Variants in MS4A14 observed in about 807,000 individuals in gnomAD.
MS4A14 encodes the protein membrane spanning 4-domains A14.
Under a neutral mutation model 16.7 loss-of-function variants are expected in MS4A14, and 18 were observed. The ratio of observed to expected loss-of-function variants is 1.08; its 90% CI spans 0.75 to 1.60. MS4A14 has a LOEUF of 1.60. Among genes scored for constraint, MS4A14 ranks in the 40% most tolerant of loss-of-function variants. The probability of loss-of-function intolerance (pLI) is 0.00; values close to 1 mark genes in which losing one functional copy is unlikely to be tolerated. For missense variants in MS4A14, 812 were observed against 775.3 expected (o/e 1.05, Z -0.56); for synonymous variants, 305 against 289.4 (o/e 1.05, Z -0.55).
At chr11:60,401,382 C>T (rs1417875334) in intron 3 of MS4A14, among the ~76,000 whole-genome samples, 1 of 152,162 alleles carries the variant, frequency 6.6e-6, no homozygotes, top group Admixed American at 6.5e-5. Context: ...GCAGACAATG[C>T]AGATGAAGCC....
Position 60,416,113 on chromosome 11 carries a change from C to T in MS4A14, c.1145C>T (p.Ser382Phe). The T allele has an allele frequency of 1.9e-6, 3 of 1,609,392 alleles. No individual in the cohort carries two copies. Among genetic ancestry groups the T allele is most frequent in the Non-Finnish European group, 1.7e-6 (2 of 1,177,730 alleles). The change falls in exon 5 of 5, where the codon TCC (serine) becomes TTC (phenylalanine). Residue 382 changes from serine to phenylalanine, a missense_variant. By Grantham distance (155) the Ser-to-Phe change is radical. Coordinates refer to ENST00000300187, the MANE Select transcript of MS4A14 (RefSeq NM_032597.5). ...FHDMTSQDMQ[S>F]LDMLSQDTPS... ...GACATGACATCCCAAGATATGCAAT[C>T]CCTAGATATGCTATCTCAAGACACA...
chr11:60,417,529 T>A lies in MS4A14; in HGVS notation c.*521T>A, dbSNP rs1444148268. The A allele has an allele frequency of 1.3e-5, 2 of 152,296 alleles. No individual in the cohort carries two copies. The highest frequency in any genetic ancestry group is 3.9e-4 in the East Asian group (2 of 5,188). 9.4% of individuals were successfully genotyped at this position (152,296 alleles called of 1,614,324 possible). ...ATGCAGAATCTACCCAATACCACACTGCCCCCATTAATGGAATTAAATTGG... is the reference window on the plus strand; with the variant it reads ...ATGCAGAATCTACCCAATACCACACAGCCCCCATTAATGGAATTAAATTGG... On this transcript the variant is annotated 3_prime_UTR_variant, in exon 5 of 5. Transcript: ENST00000300187.
intron 4 of MS4A14, among the ~76,000 whole-genome samples, chr11:60,410,007 C>T (rs538320884): frequency 6.6e-6 from 1 of 152,282 alleles, no homozygotes; most frequent in African/African-American, 2.4e-5. Context: ...TGCCACCACA[C>T]CCACATAAAT....
At chr11:60,410,835 T>TGG (rs2085858068) in intron 4 of MS4A14, among the ~76,000 whole-genome samples, 1 of 151,996 alleles carries the variant, frequency 6.6e-6, no homozygotes, top group Non-Finnish European at 1.5e-5. Flanking sequence ...TTTTGGGTTT[T>TGG]TTTTTTTGTT....
chr11:60,404,554 CCTT>C, intron 4 of MS4A14: 1 of 457,006 alleles, frequency 2.2e-6, no homozygotes, highest in South Asian at 1.5e-5. Context: ...AGGACTTCAT[CCTT>C]CTCACTCCTC....
chr11:60,415,584 G>C lies in MS4A14; in HGVS notation c.616G>C (p.Ala206Pro), dbSNP rs757173660. The change falls in exon 5 of 5, where the codon GCT becomes CCT. Residue 206 changes from alanine to proline, a missense_variant. Coordinates refer to ENST00000300187, the MANE Select transcript of MS4A14 (RefSeq NM_032597.5). ...ACAATCTGTTATCTTTGGAGGCTAT[G>C]CTTTCTTCAAGTTAACACTCTCTAG... is the stretch of plus-strand genomic sequence containing the variant. The part of the protein sequence containing the change: ...NAQSVIFGGY[A>P]FFKLTLSRSP... 4.3e-6 allele frequency: 7 copies of C among 1,613,788 alleles called. No homozygotes were observed. The highest frequency in any genetic ancestry group is 5.9e-6 in the Non-Finnish European group (7 of 1,179,796).
intron 2 of MS4A14, among the ~76,000 whole-genome samples, chr11:60,399,193 A>G (rs1319905022): frequency 6.6e-6 from 1 of 152,124 alleles, no homozygotes; most frequent in Non-Finnish European, 1.5e-5. Context: ...AACCCCAAAT[A>G]TTTGTTCCTA....
chr11:60,416,924 A>C lies in MS4A14; in HGVS notation c.1956A>C (p.Gln652His). Residue 652 changes from glutamine to histidine, a missense_variant, in exon 5 of 5, where the codon CAA (glutamine) becomes CAC (histidine). Coordinates refer to ENST00000300187, the MANE Select transcript of MS4A14 (RefSeq NM_032597.5). The part of the protein sequence containing the change: ...QDSESQIQQY[Q>H]FWQFHKGNLQ... The stretch of plus-strand genomic sequence containing the variant: ...CAGAATCCCAAATACAGCAATACCA[A>C]TTCTGGCAATTCCACAAAGGCAATC... 6.2e-7 allele frequency: 1 copy of C among 1,613,700 alleles called. No homozygotes were observed. Among genetic ancestry groups the C allele is most frequent in the Middle Eastern group, 1.7e-4 (1 of 6,058 alleles).
chr11:60,397,917 C>A lies in MS4A14; in HGVS notation c.204C>A (p.Ile68=). Residue 68 remains isoleucine, a synonymous_variant, in exon 2 of 5, where the codon ATC becomes ATA. Transcript: ENST00000300187. The stretch of plus-strand genomic sequence containing the variant: ...GAACTATATTTGCACTTAATTACAT[C>A]GGTTTCTCCCAAAGACTTCCCCTTG... ...GFGTIFALNY[I]GFSQRLPLVV... 1 of 1,613,394 alleles carries A rather than the reference C, an allele frequency of 6.2e-7. No homozygotes were observed. The highest frequency in any genetic ancestry group is 1.1e-5 in the South Asian group (1 of 91,058).
rs769654592 is a variant in MS4A14 at position 60,416,877 on chromosome 11, C to T, written c.1909C>T (p.Pro637Ser). ...ACAGCAAGCTCAGGTGGAGAAAGTGCCAAAACTGTTATGCCAAGATTCAGA... is the reference window on the plus strand; with the variant it reads ...ACAGCAAGCTCAGGTGGAGAAAGTGTCAAAACTGTTATGCCAAGATTCAGA... Reference protein sequence around the residue: ...EGQQAQVEKVPKLLCQDSESQ... With the variant: ...EGQQAQVEKVSKLLCQDSESQ... Residue 637 changes from proline (P) to serine (S), a missense_variant, in exon 5 of 5, where the codon CCA becomes TCA. Pro to Ser is a moderately conservative substitution (Grantham distance 74). Coordinates refer to ENST00000300187, the MANE Select transcript of MS4A14 (RefSeq NM_032597.5). 6.2e-7 allele frequency: 1 copy of T among 1,613,644 alleles called. No individual in the cohort carries two copies. Among genetic ancestry groups the T allele is most frequent in the Non-Finnish European group, 8.5e-7 (1 of 1,179,744 alleles).
At chr11:60,399,282 G>A (rs2085675617) in intron 2 of MS4A14, among the ~76,000 whole-genome samples, 1 of 152,230 alleles carries the variant, frequency 6.6e-6, no homozygotes. Context: ...GACCATGGAG[G>A]TCAGGCAAGT....
chr11:60,413,961 C>T (rs1218002839), intron 4 of MS4A14, among the ~76,000 whole-genome samples: 1 of 152,066 alleles, frequency 6.6e-6, no homozygotes, highest in African/African-American at 2.4e-5. Context: ...AAGTAAACAG[C>T]TCTACGATAC....
rs2085843398 is a variant in MS4A14 at position 60,409,868 on chromosome 11, ACAGTGGCACAAGATCATATGTCACTTAG to A, written c.469-5568_469-5541del. ...ATACAAAGACTATGTCACTTAGGCT[ACAGTGGCACAAGATCATATGTCACTTAG>A]GCTACAGTGGCACAAGATCATAGCT... is the stretch of plus-strand genomic sequence containing the variant. On this transcript the variant is annotated intron_variant, in intron 4 of 4. Transcript: ENST00000300187. 7.8e-4 allele frequency among the ~76,000 whole-genome samples: 3 copies of A among 3,856 alleles called. No homozygotes were observed. The South Asian group carries it at 0.016, about 21-fold the overall frequency. 2.5% of individuals were successfully genotyped at this position (3,856 alleles called of 152,430 possible).
chr11:60,406,669 GCT>G (rs1004179076), intron 4 of MS4A14, among the ~76,000 whole-genome samples: 4 of 152,034 alleles, frequency 2.6e-5, no homozygotes, highest in African/African-American at 4.8e-5. Flanking sequence ...TCTCTCTCTA[GCT>G]CTCTCTTTTT....
At chr11:60,401,733 G>A (rs1303604545) in intron 3 of MS4A14, among the ~76,000 whole-genome samples, 1 of 152,196 alleles carries the variant, frequency 6.6e-6, no homozygotes, top group Non-Finnish European at 1.5e-5. Flanking sequence ...ATGAGGGATT[G>A]ATTATCTAGA....
chr11:60,415,411 A>C, intron 4 of MS4A14, 26 bp from the exon 5 acceptor site: 3 of 1,556,726 alleles, frequency 1.9e-6, no homozygotes, highest in South Asian at 1.3e-5. Context: ...CTGTCATATT[A>C]ATTACCCTCA....
At chr11:60,407,027 T>G (rs2085797341) in intron 4 of MS4A14, among the ~76,000 whole-genome samples, 1 of 142,006 alleles carries the variant, frequency 7.0e-6, no homozygotes, top group Non-Finnish European at 1.5e-5. Flanking sequence ...TTTTTTTTTT[T>G]TTTTTGAGTC....
chr11:60,397,699 T>C, intron 1 of MS4A14, among the ~76,000 whole-genome samples, 153 bp from the exon 2 acceptor site: 1 of 151,952 alleles, frequency 6.6e-6, no homozygotes, highest in Non-Finnish European at 1.5e-5. Context: ...TTGAACTGAG[T>C]CTCTTAACAA....
At chr11:60,398,061 T>C in intron 2 of MS4A14, 81 bp downstream of exon 2, 1 of 1,488,026 alleles carries the variant, frequency 6.7e-7, no homozygotes, top group Non-Finnish European at 9.1e-7. Context: ...GGTAATGAAT[T>C]CCATAAATAT....
Sources: allele counts gnomAD v4.1 joint callset (sites outside exome capture counted in the v4.1 genomes callset), GRCh38; gene constraint gnomAD v4.1.1; transcripts MANE v1.5; gene names NCBI Gene and HGNC (gene_info 2026-07-23, HGNC 2026-07-21).